Variants in INCENP observed in about 807,000 individuals in gnomAD.
INCENP encodes the protein binds and activates aurora-B and -C in vivo and in vitro.
In INCENP, 43 loss-of-function variants were observed where a neutral mutation model predicts 107.3. The ratio of observed to expected loss-of-function variants is 0.40; its 90% CI spans 0.31 to 0.52. The LOEUF is 0.52. INCENP is among the 20% of genes least tolerant of loss of function. INCENP has a pLI of 0.53. For missense variants in INCENP, 1,089 were observed against 1,250.9 expected, an observed-to-expected ratio of 0.87 and a Z score of 1.95; for synonymous variants, 488 against 494.4, an observed-to-expected ratio of 0.99 and a Z score of 0.17.
rs775261399 is a variant in INCENP, at chr11:62,145,401, G to A, written c.1836+112G>A. 1,321 of 1,493,338 alleles carry A rather than the reference G, an allele frequency of 8.8e-4. 1 individual carries two copies. The highest frequency in any genetic ancestry group is 1.1e-3 in the Non-Finnish European group (1,158 of 1,099,532). 92.5% of individuals were successfully genotyped at this position (1,493,338 alleles called of 1,614,324 possible). On this transcript the variant is annotated intron_variant, in intron 13 of 18. Coordinates refer to ENST00000394818, the MANE Select transcript of INCENP (RefSeq NM_001040694.2). ...CACTGTACCCCTGTACCCATCTCCT[G>A]TCTGCCCCATGGGCCCTGGAGTCCA...
chr11:62,141,542 C>T (rs752328058), intron 11 of INCENP, 31 bp downstream of exon 11: 6 of 1,613,774 alleles, frequency 3.7e-6, no homozygotes, highest in Non-Finnish European at 5.1e-6. Context: ...TCGGTAACCT[C>T]GCCCCACCTA....
intron 11 of INCENP, among the ~76,000 whole-genome samples, chr11:62,144,335 C>CAAA (rs3972386): frequency 1.5e-5 from 2 of 133,870 alleles, no homozygotes; most frequent in Admixed American, 7.4e-5. Context: ...TGTCTCCACA[C>CAAA]AAAAAAAAAA....
intron 3 of INCENP, among the ~76,000 whole-genome samples, chr11:62,129,269 A>G (rs1943826716): frequency 6.6e-6 from 1 of 152,182 alleles, no homozygotes; most frequent in Non-Finnish European, 1.5e-5. Flanking sequence ...AGTCCCCCTC[A>G]GGAATGATTG....
intron 1 of INCENP, among the ~76,000 whole-genome samples, chr11:62,124,368 A>G (rs1943705774): frequency 6.6e-6 from 1 of 152,006 alleles, no homozygotes; most frequent in Non-Finnish European, 1.5e-5. Flanking sequence ...CTTTCCACCT[A>G]GGCCCTCAGC....
rs1195549056 is a variant in INCENP, at chr11:62,151,766, C to T, written c.2547C>T (p.Thr849=). ...RKPIPTWARG[T]PLSQAIIHQY... ...CTGGTCTGTGGTCTCCTGCAGGCAC[C>T]CCGCTCAGCCAGGCTATCATTCACC... The change falls in exon 19 of 19, where the codon ACC becomes ACT. Residue 849 remains threonine, a synonymous_variant. Transcript: ENST00000394818. 4 of 1,613,796 alleles carry T rather than the reference C, an allele frequency of 2.5e-6. No individual in the cohort carries two copies. Among genetic ancestry groups the T allele is most frequent in the African/African-American group, 2.7e-5 (2 of 74,896 alleles).
chr11:62,140,129 C>T, intron 7 of INCENP, 105 bp from the exon 8 acceptor site: 1 of 934,418 alleles, frequency 1.1e-6, no homozygotes, highest in South Asian at 1.4e-5. Context: ...GGAGCCTTGC[C>T]CACTGCCAAG....
intron 8 of INCENP, 141 bp from the exon 9 acceptor site, chr11:62,140,563 A>G: frequency 1.4e-6 from 1 of 724,186 alleles, no homozygotes. Flanking sequence ...TGGGCAGCAG[A>G]GGGTTGCTTA....
In INCENP at chr11:62,148,795, C is replaced by A; in HGVS notation, c.2340C>A (p.Ala780=). The A allele has an allele frequency of 6.2e-7, 1 of 1,606,456 alleles. No individual in the cohort carries two copies. The highest frequency in any genetic ancestry group is 1.1e-5 in the South Asian group (1 of 89,858). ...TGCAGGAGGAGCAAGAGAAGAAAGC[C>A]AAGGAGGCAGCAGGGGCCAGCAAGG... ...RQLQEEQEKK[A]KEAAGASKAL... Residue 780 remains alanine, a synonymous_variant, in exon 17 of 19, where the codon GCC becomes GCA. Transcript: ENST00000394818.
rs1675112 is a variant in INCENP at position 62,149,968 on chromosome 11, A to G, written c.2392-89A>G. The stretch of plus-strand genomic sequence containing the variant: ...GCACCTTTTGTTTCTCCTGTGAAAT[A>G]GGAGGAGGTGAGCAGTGCCCCAGCA... On this transcript the variant is annotated intron_variant, in intron 17 of 18. Transcript: ENST00000394818. 5,474 of 1,246,220 alleles carry G rather than the reference A, an allele frequency of 4.4e-3. 203 individuals are homozygous for G. The African/African-American group carries it at 0.073, about 17-fold the overall frequency. 77.2% of individuals were successfully genotyped at this position (1,246,220 alleles called of 1,614,324 possible).
chr11:62,127,395 T>G (rs1169730255), intron 1 of INCENP, among the ~76,000 whole-genome samples: 1 of 152,218 alleles, frequency 6.6e-6, no homozygotes. Context: ...GAGAAAAAAC[T>G]GTTTTTGTGT....
intron 4 of INCENP, among the ~76,000 whole-genome samples, chr11:62,135,344 T>C (rs1320928237): frequency 6.6e-6 from 1 of 152,130 alleles, no homozygotes; most frequent in Non-Finnish European, 1.5e-5. Flanking sequence ...CTCAGCTCAC[T>C]GCAACCTCTG....
intron 4 of INCENP, among the ~76,000 whole-genome samples, chr11:62,130,819 A>G (rs1465901097): frequency 6.6e-6 from 1 of 152,206 alleles, no homozygotes; most frequent in Admixed American, 6.5e-5. Flanking sequence ...ATTGTATTGC[A>G]TTCTACTTCT....
chr11:62,128,161 C>T lies in INCENP; in HGVS notation c.-1C>T. ...CCCTGCCTTCACCAGACAGAGCCAC[C>T]ATGGGGACGACGGCCCCAGGGCCCA... On this transcript the variant is annotated 5_prime_UTR_variant, in exon 2 of 19. Transcript: ENST00000394818. 1 of 1,614,106 alleles carries T rather than the reference C, an allele frequency of 6.2e-7. No individual in the cohort carries two copies. The highest frequency in any genetic ancestry group is 8.5e-7 in the Non-Finnish European group (1 of 1,180,002).
At chr11:62,148,329 C>G in intron 15 of INCENP, 147 bp from the exon 16 acceptor site, 1 of 699,760 alleles carries the variant, frequency 1.4e-6, no homozygotes, top group Non-Finnish European at 2.4e-6. Context: ...AAGCGCAGCT[C>G]TTGGCTCTAA....
At chr11:62,131,287 G>T (rs1287156069) in intron 4 of INCENP, among the ~76,000 whole-genome samples, 1 of 152,176 alleles carries the variant, frequency 6.6e-6, no homozygotes, top group Non-Finnish European at 1.5e-5. Flanking sequence ...TGTCAACTGG[G>T]GCTAATCGCG....
rs572577533 is a variant in INCENP at position 62,151,877 on chromosome 11, C to T, written c.2658C>T (p.Pro886=). 6.2e-7 allele frequency: 1 copy of T among 1,614,188 alleles called. No homozygotes were observed. Among genetic ancestry groups the T allele is most frequent in the Non-Finnish European group, 8.5e-7 (1 of 1,180,044 alleles). Residue 886 remains proline (P), a synonymous_variant, in exon 19 of 19, where the codon CCC becomes CCT. Coordinates refer to ENST00000394818, the MANE Select transcript of INCENP (RefSeq NM_001040694.2). ...AGGATATCTTCAAGAAGAGCAAGCC[C>T]CGCTATCACAAGCGCACCAGCTCTG... ...DLEDIFKKSK[P]RYHKRTSSAV...
At chr11:62,148,706 C>A in intron 16 of INCENP, 33 bp from the exon 17 acceptor site, 1 of 1,527,112 alleles carries the variant, frequency 6.5e-7, no homozygotes, top group Non-Finnish European at 8.9e-7. Flanking sequence ...ACCTGCACAG[C>A]TCCCTAACAC....
At chr11:62,148,049 G>A (rs1003995219) in intron 15 of INCENP, among the ~76,000 whole-genome samples, 4 of 152,182 alleles carry the variant, frequency 2.6e-5, no homozygotes, top group African/African-American at 9.7e-5. Context: ...GAGCCAGTGT[G>A]TTGTGGAGGT....
Position 62,141,274 on chromosome 11 carries a change from C to T in INCENP, c.1594-226C>T, listed in dbSNP as rs184183970. ...CTGGACTACAGCCTGGAGGCTTGGC[C>T]GGCTCAATGTGAGCCCTGGGGATCT... On this transcript the variant is annotated intron_variant, in intron 10 of 18. Transcript: ENST00000394818. Among the ~76,000 whole-genome samples, 246 of 152,314 alleles carry T rather than the reference C, an allele frequency of 1.6e-3. 2 individuals are homozygous for T. The highest frequency in any genetic ancestry group is 5.5e-3 in the African/African-American group (229 of 41,558).
Sources: gnomAD v4.1 joint callset for allele counts (sites outside exome capture counted in the v4.1 genomes callset) on GRCh38, gnomAD v4.1.1 for gene constraint, MANE v1.5 for transcripts, NCBI Gene and HGNC (gene_info 2026-07-23, HGNC 2026-07-21) for gene names.